The following NCCRP1 variants were observed in gnomAD, a reference collection of about 807,000 sequenced individuals.
NCCRP1 encodes NCCRP1, F-box associated domain containing.
NCCRP1 carries 32 observed loss-of-function variants against 34.4 expected under a neutral mutation model. That is an observed-to-expected ratio of 0.93 (90% confidence interval 0.70 to 1.25). The LOEUF (loss-of-function observed/expected upper bound fraction) is 1.25, where lower values mean the gene tolerates loss of function less well. NCCRP1 is among the 50% of genes most tolerant of loss of function. NCCRP1 has a pLI of 0.00. For synonymous variants in NCCRP1, 172 were observed against 180.1 expected (o/e 0.95, Z 0.36); for missense variants, 372 against 391.8 (o/e 0.95, Z 0.43).
intron 1 of NCCRP1, among the ~76,000 whole-genome samples, chr19:39,197,701 C>T (rs974739030): frequency 8.5e-5 from 13 of 152,104 alleles, no homozygotes; most frequent in African/African-American, 1.2e-4. Context: ...CTCAGTCTCC[C>T]GAGTAGCTGG....
intron 4 of NCCRP1, among the ~76,000 whole-genome samples, chr19:39,199,505 C>CTTTTTTTTTTTT (rs2074778661): frequency 1.4e-5 from 1 of 74,040 alleles, no homozygotes; most frequent in African/African-American, 4.5e-5. Context: ...TTTCTTTTTT[C>CTTTTTTTTTTTT]TTTCTTTTTT....
rs150676477 is a variant in NCCRP1, at chr19:39,200,979, C to G, written c.*223C>G. 7.2e-6 allele frequency: 4 copies of G among 554,712 alleles called. No homozygotes were observed. The African/African-American group carries it at 7.5e-5, about 10-fold the overall frequency. The allele number at this position is 554,712 out of a possible 1,614,324, so 34.4% of individuals were successfully genotyped here. ...GTAAATTCAGTGCCCGACAGATGCTCTGGCACAGATGCTTTGTAGATCTCT... is the reference window on the plus strand; with the variant it reads ...GTAAATTCAGTGCCCGACAGATGCTGTGGCACAGATGCTTTGTAGATCTCT... On this transcript the variant is annotated 3_prime_UTR_variant, in exon 6 of 6. Coordinates refer to ENST00000339852, the MANE Select transcript of NCCRP1 (RefSeq NM_001001414.2). This position sits in a 1 kb window ranked among gnomAD's most constrained non-coding sequence, Gnocchi z 5.8.
chr19:39,198,798 TG>T (rs1465782840), intron 3 of NCCRP1, among the ~76,000 whole-genome samples: 2 of 152,252 alleles, frequency 1.3e-5, no homozygotes, highest in East Asian at 3.9e-4. Context: ...GCTCTTTCCC[TG>T]GGAGGGGAAG....
chr19:39,200,793 C>T lies in NCCRP1; in HGVS notation c.*37C>T, dbSNP rs776023888. On this transcript the variant is annotated 3_prime_UTR_variant, in exon 6 of 6. Transcript: ENST00000339852. The surrounding 1 kb of genome is among the most constrained non-coding windows in gnomAD (Gnocchi z 5.8). ...CTCTGTCCTGACCCCACAGCACCTC[C>T]CTGACCTTTAGGAGCCCCAACTCTT... 3.8e-6 allele frequency: 6 copies of T among 1,582,806 alleles called. No homozygotes were observed. The South Asian group carries it at 6.8e-5, about 18-fold the overall frequency.
At chr19:39,199,509 C>CTTTTTTTTTT (rs150534648) in intron 4 of NCCRP1, among the ~76,000 whole-genome samples, 112 of 67,842 alleles carry the variant, frequency 1.7e-3, no homozygotes, top group East Asian at 3.4e-3. Flanking sequence ...TTTTTTCTTT[C>CTTTTTTTTTT]TTTTTTTTTT....
chr19:39,198,364 G>A (rs2074772341), intron 3 of NCCRP1, 111 bp downstream of exon 3: 3 of 1,163,028 alleles, frequency 2.6e-6, no homozygotes, highest in Admixed American at 3.6e-5. Context: ...TTCCTGCTCT[G>A]TAAACAGGGT....
In NCCRP1 at chr19:39,199,321, C is replaced by G. The variant is rs1028909348; in HGVS notation, c.548+56C>G. Reference sequence around the variant, plus strand: ...CGTGATCGCGCAGGGCTGCCCAGAGCATGAGCCTTACTCTGAGCTCCCCTT... The same window carrying G: ...CGTGATCGCGCAGGGCTGCCCAGAGGATGAGCCTTACTCTGAGCTCCCCTT... On this transcript the variant is annotated intron_variant, in intron 4 of 5. Coordinates refer to ENST00000339852, the MANE Select transcript of NCCRP1 (RefSeq NM_001001414.2). The G allele has an allele frequency of 1.5e-5, 22 of 1,506,896 alleles. No individual in the cohort carries two copies. The Admixed American group carries it at 3.8e-4, about 26-fold the overall frequency. 93.3% of individuals were successfully genotyped at this position (1,506,896 alleles called of 1,614,324 possible). A position where few individuals can be genotyped will look rare whatever the true frequency, so the allele number is the denominator to read the frequency against.
rs2074786201 is a variant in NCCRP1, at chr19:39,201,005, G to T, written c.*249G>T. 2.0e-6 allele frequency: 1 copy of T among 490,490 alleles called. No individual in the cohort carries two copies. The highest frequency in any genetic ancestry group is 3.6e-6 in the Non-Finnish European group (1 of 278,302). The allele number at this position is 490,490 out of a possible 1,614,324, so 30.4% of individuals were successfully genotyped here. ...TGGCACAGATGCTTTGTAGATCTCT[G>T]TTGAGAGAATGCATAGACACCTGTG... On this transcript the variant is annotated 3_prime_UTR_variant, in exon 6 of 6. Coordinates refer to ENST00000339852, the MANE Select transcript of NCCRP1 (RefSeq NM_001001414.2).
chr19:39,198,645 G>A (rs1461947420), intron 3 of NCCRP1, among the ~76,000 whole-genome samples: 1 of 152,060 alleles, frequency 6.6e-6, no homozygotes, highest in Non-Finnish European at 1.5e-5. Flanking sequence ...TTTTAGTAGA[G>A]ACGGAGTTTC....
intron 3 of NCCRP1, 56 bp downstream of exon 3, chr19:39,198,309 A>G: frequency 1.9e-6 from 3 of 1,578,988 alleles, no homozygotes; most frequent in Non-Finnish European, 2.6e-6. Context: ...ACCCTTCCTC[A>G]CTGTGAGACC....
chr19:39,200,946 C>T lies in NCCRP1; in HGVS notation c.*190C>T. The T allele has an allele frequency of 1.5e-6, 1 of 652,466 alleles. No homozygotes were observed. The highest frequency in any genetic ancestry group is 2.7e-4 in the Middle Eastern group (1 of 3,680). 40.4% of individuals were successfully genotyped at this position (652,466 alleles called of 1,614,324 possible). ...TGTCTGAGCCCCATGAGGGCGGAGC[C>T]ACTCCTTGTAAATTCAGTGCCCGAC... is the stretch of plus-strand genomic sequence containing the variant. On this transcript the variant is annotated 3_prime_UTR_variant, in exon 6 of 6. Coordinates refer to ENST00000339852, the MANE Select transcript of NCCRP1 (RefSeq NM_001001414.2). This position sits in a 1 kb window ranked among gnomAD's most constrained non-coding sequence, Gnocchi z 5.8.
Position 39,197,226 on chromosome 19 carries a change from G to C in NCCRP1, c.244G>C (p.Gly82Arg). Reference protein sequence around the residue: ...LLLEEWGPLSGGLELPQRLTW... With the variant: ...LLLEEWGPLSRGLELPQRLTW... Reference sequence around the variant, plus strand: ...GCTGGAGGAGTGGGGGCCGCTGAGCGGGGGCCTGGAGCTGCCCCAGCGCCT... The same window carrying C: ...GCTGGAGGAGTGGGGGCCGCTGAGCCGGGGCCTGGAGCTGCCCCAGCGCCT... The change falls in exon 1 of 6, where the codon GGG (glycine) becomes CGG (arginine). Residue 82 changes from glycine to arginine, a missense_variant. By Grantham distance (125) the Gly-to-Arg change is moderately radical (BLOSUM62 -2). Transcript: ENST00000339852. The C allele has an allele frequency of 2.1e-6, 3 of 1,458,684 alleles. No individual in the cohort carries two copies. The highest frequency in any genetic ancestry group is 2.7e-6 in the Non-Finnish European group (3 of 1,117,062). The allele number at this position is 1,458,684 out of a possible 1,614,324, so 90.4% of individuals were successfully genotyped here.
At chr19:39,199,076 C>A (rs1273103829) in intron 3 of NCCRP1, 94 bp from the exon 4 acceptor site, 7 of 1,213,974 alleles carry the variant, frequency 5.8e-6, no homozygotes, top group African/African-American at 1.5e-5. Flanking sequence ...TGTGGGGACC[C>A]AAGCTATCCC....
At position 39,198,116 on chromosome 19, in the gene NCCRP1, G is replaced by A. The variant is rs755600317; in HGVS notation, c.400+1G>A. 5 of 1,614,196 alleles carry A rather than the reference G, an allele frequency of 3.1e-6. No individual in the cohort carries two copies. In the South Asian group the frequency reaches 4.4e-5, roughly 14 times the overall value. On this transcript the variant is annotated splice_donor_variant, in intron 2 of 5. Coordinates refer to ENST00000339852, the MANE Select transcript of NCCRP1 (RefSeq NM_001001414.2). LOFTEE classifies it high-confidence loss of function. Reference sequence around the variant, plus strand: ...ACCCAGCGACCCCTGGAAACTCTGGGTAAGTGCTTGGAGGGCCAGGTTGCT... The same window carrying A: ...ACCCAGCGACCCCTGGAAACTCTGGATAAGTGCTTGGAGGGCCAGGTTGCT...
intron 1 of NCCRP1, among the ~76,000 whole-genome samples, chr19:39,197,812 C>A (rs796128661): frequency 5.3e-5 from 8 of 152,164 alleles, no homozygotes; most frequent in African/African-American, 1.9e-4. Context: ...AAACTCTTGG[C>A]CTGTCTCTTT....
rs546123979 is a variant in NCCRP1 at position 39,199,219 on chromosome 19, G to T, written c.502G>T (p.Glu168Ter). 1.2e-6 allele frequency: 2 copies of T among 1,614,126 alleles called. No individual in the cohort carries two copies. The highest frequency in any genetic ancestry group is 2.2e-5 in the East Asian group (1 of 44,876). The change falls in exon 4 of 6, where the codon GAG becomes TAG. Residue 168 changes from glutamate to a stop codon, truncating the protein, a stop_gained. Transcript: ENST00000339852. LOFTEE classifies it high-confidence loss of function. ...CVDLLAEGLW[E>*]ELLDDEQPAI... ...GGACCTTCTGGCCGAGGGCCTGTGG[G>T]AGGAGCTGCTGGATGACGAACAACC...
intron 4 of NCCRP1, among the ~76,000 whole-genome samples, chr19:39,199,840 C>T (rs1440098163): frequency 1.3e-5 from 2 of 151,952 alleles, no homozygotes; most frequent in Non-Finnish European, 2.9e-5. Context: ...AAGCCTGTCA[C>T]CCTCTATTCT....
In NCCRP1 at chr19:39,199,154, G is replaced by C. The variant is rs770696634; in HGVS notation, c.453-16G>C. The C allele has an allele frequency of 6.2e-7, 1 of 1,612,634 alleles. No individual in the cohort carries two copies. Among genetic ancestry groups the C allele is most frequent in the South Asian group, 1.1e-5 (1 of 91,042 alleles). On this transcript the variant is annotated splice_polypyrimidine_tract_variant and intron_variant, in intron 3 of 5. Coordinates refer to ENST00000339852, the MANE Select transcript of NCCRP1 (RefSeq NM_001001414.2). The stretch of plus-strand genomic sequence containing the variant: ...GCAGATCGCAGACCCCGCCTCTCCC[G>C]GCCCTTCTTTCACAGCTGGACAGTG...
rs1417565019 is a variant in NCCRP1 at position 39,200,126 on chromosome 19, G to A, written c.549-220G>A. On this transcript the variant is annotated intron_variant, in intron 4 of 5. Transcript: ENST00000339852. The surrounding 1 kb of genome is among the most constrained non-coding windows in gnomAD (Gnocchi z 5.8). Reference sequence around the variant, plus strand: ...ATCCCAAACCTGGCCGTTCCTGGCTGTCATGTTTGGTGGCATGCCTGCCTC... The same window carrying A: ...ATCCCAAACCTGGCCGTTCCTGGCTATCATGTTTGGTGGCATGCCTGCCTC... Among the ~76,000 whole-genome samples, 1 of 152,188 alleles carries A rather than the reference G, an allele frequency of 6.6e-6. No individual in the cohort carries two copies. Among genetic ancestry groups the A allele is most frequent in the African/African-American group, 2.4e-5 (1 of 41,442 alleles).
Sources: allele counts gnomAD v4.1 joint callset (sites outside exome capture counted in the v4.1 genomes callset), GRCh38; gene constraint gnomAD v4.1.1; non-coding constraint Gnocchi (gnomAD v3.1); transcripts MANE v1.5; gene names NCBI Gene and HGNC (gene_info 2026-07-23, HGNC 2026-07-21).